The following SCUBE2 variants were observed in gnomAD, a reference collection of about 807,000 sequenced individuals.
SCUBE2 encodes the protein signal peptide, CUB domain and EGF like domain containing 2, also known as signal peptide, CUB and EGF-like domain-containing protein 2.
In SCUBE2, 114 loss-of-function variants were observed where a neutral mutation model predicts 125.9. That is an observed-to-expected ratio of 0.91 (90% CI 0.78 to 1.06). The LOEUF (loss-of-function observed/expected upper bound fraction) is 1.06, where lower values mean the gene tolerates loss of function less well. Among genes scored for constraint, SCUBE2 ranks in the 50% least tolerant of loss-of-function variants. SCUBE2 has a pLI of 0.00. For synonymous variants in SCUBE2, 459 were observed against 492.9 expected (o/e 0.93, Z 0.91); for missense variants, 1,255 against 1,301.8 (o/e 0.96, Z 0.55).
chr11:9,053,362 AC>A, intron 11 of SCUBE2, 147 bp from the exon 12 acceptor site: 1 of 767,938 alleles, frequency 1.3e-6, no homozygotes, highest in Non-Finnish European at 2.1e-6. Flanking sequence ...CCTTATTCCC[AC>A]CAAGGGAAAG....
intron 8 of SCUBE2, 131 bp downstream of exon 8, chr11:9,060,277 G>A (rs1859538752): frequency 4.4e-6 from 3 of 680,494 alleles, no homozygotes; most frequent in Non-Finnish European, 7.7e-6. Flanking sequence ...AGCTCCCATT[G>A]ATATGAATCA....
At position 9,091,488 on chromosome 11, in the gene SCUBE2, G is replaced by T; in HGVS notation, c.41C>A (p.Ala14Glu). ...AGRNRPGAAW[A>E]VLLLLLLLPP... is the part of the protein sequence containing the mutation. ...CAGCAGCAGCAGCAGCAGCAGCACC[G>T]CCCAGGCCGCCCCGGGACGGTTGCG... Residue 14 changes from alanine (A) to glutamate (E), a missense_variant, in exon 1 of 23, where the codon GCG becomes GAG. Physicochemically the swap from Ala to Glu is moderately radical, Grantham distance 107 (BLOSUM62 -1). Around this residue, in one of 3 missense-constraint regions of SCUBE2, gnomAD observed 362 missense variants for 323.0 expected, o/e 1.12. Transcript: ENST00000649792. This position sits in a 1 kb window ranked among gnomAD's most constrained non-coding sequence, Gnocchi z 8.5. 1 of 1,147,180 alleles carries T rather than the reference G, an allele frequency of 8.7e-7. No individual in the cohort carries two copies. Among genetic ancestry groups the T allele is most frequent in the Non-Finnish European group, 1.1e-6 (1 of 891,480 alleles). 71.1% of individuals were successfully genotyped at this position (1,147,180 alleles called of 1,614,324 possible).
chr11:9,060,063 A>G (rs1859507007), intron 8 of SCUBE2, among the ~76,000 whole-genome samples: 2 of 152,190 alleles, frequency 1.3e-5, no homozygotes. Flanking sequence ...TTATATAATA[A>G]TCTCTAGGCT....
intron 9 of SCUBE2, among the ~76,000 whole-genome samples, chr11:9,058,951 T>C (rs191913363): frequency 2.0e-5 from 3 of 152,296 alleles, no homozygotes; most frequent in African/African-American, 4.8e-5. Context: ...TTCAATAACA[T>C]TAAAGGAAAT....
chr11:9,058,432 C>A (rs1343492114), intron 9 of SCUBE2, among the ~76,000 whole-genome samples: 3 of 151,784 alleles, frequency 2.0e-5, no homozygotes, highest in Admixed American at 1.3e-4. Flanking sequence ...CCCGTCTCTA[C>A]TAAAAATGCA....
intron 3 of SCUBE2, among the ~76,000 whole-genome samples, chr11:9,077,151 C>A (rs1245872730): frequency 6.6e-6 from 1 of 152,208 alleles, no homozygotes; most frequent in Non-Finnish European, 1.5e-5. Context: ...AGCTGGTGAG[C>A]TTCTCCAGAC....
intron 2 of SCUBE2, among the ~76,000 whole-genome samples, chr11:9,088,801 A>T (rs1470713814): frequency 1.3e-5 from 2 of 152,212 alleles, no homozygotes; most frequent in African/African-American, 4.8e-5. Context: ...TTTCTCACTC[A>T]TCCAAAGAAG....
intron 17 of SCUBE2, 21 bp downstream of exon 17, chr11:9,033,605 A>G: frequency 1.2e-6 from 2 of 1,608,194 alleles, no homozygotes; most frequent in Non-Finnish European, 1.7e-6. Flanking sequence ...AGGAGTAGGA[A>G]GGAACAGACA....
At chr11:9,032,467 C>T (rs1210358577) in intron 17 of SCUBE2, among the ~76,000 whole-genome samples, 1 of 152,136 alleles carries the variant, frequency 6.6e-6, no homozygotes, top group Non-Finnish European at 1.5e-5. Context: ...GGTGCAGTGG[C>T]TCACGCCTGT....
chr11:9,050,554 G>T (rs983857468), intron 14 of SCUBE2, 52 bp downstream of exon 14: 10 of 1,423,202 alleles, frequency 7.0e-6, no homozygotes, highest in African/African-American at 2.8e-5. Context: ...CTGGCTGCAG[G>T]CCCCTTCCCA....
intron 16 of SCUBE2, 72 bp downstream of exon 16, chr11:9,047,284 T>TG: frequency 6.6e-7 from 1 of 1,510,136 alleles, no homozygotes; most frequent in South Asian, 1.1e-5. Flanking sequence ...GGGCCAGACT[T>TG]GCCTTCGGTT....
At chr11:9,022,539 T>G (rs1855395709) in intron 21 of SCUBE2, 1 of 153,268 alleles carries the variant, frequency 6.5e-6, no homozygotes, top group Admixed American at 6.5e-5. Flanking sequence ...CCAAAACTGC[T>G]TGGTGAGACC....
chr11:9,048,824 C>G (rs1402789678), intron 14 of SCUBE2, among the ~76,000 whole-genome samples: 1 of 152,144 alleles, frequency 6.6e-6, no homozygotes, highest in Non-Finnish European at 1.5e-5. Context: ...ATGAATTTGT[C>G]TCTATTTCAA....
At chr11:9,060,068 T>C (rs1476582194) in intron 8 of SCUBE2, among the ~76,000 whole-genome samples, 1 of 152,242 alleles carries the variant, frequency 6.6e-6, no homozygotes, top group Admixed American at 6.5e-5. Flanking sequence ...TAATAATCTC[T>C]AGGCTATTAT....
chr11:9,073,539 G>A (rs1466480501), intron 4 of SCUBE2, among the ~76,000 whole-genome samples: 1 of 152,084 alleles, frequency 6.6e-6, no homozygotes, highest in African/African-American at 2.4e-5. Flanking sequence ...CCAAGACCAG[G>A]ATTAAAACAA....
chr11:9,084,871 G>A (rs1392810378), intron 2 of SCUBE2, among the ~76,000 whole-genome samples: 4 of 152,148 alleles, frequency 2.6e-5, no homozygotes, highest in Non-Finnish European at 5.9e-5. Flanking sequence ...CTGAGTAGCA[G>A]GGACTACAGG....
intron 10 of SCUBE2, among the ~76,000 whole-genome samples, chr11:9,054,169 G>T (rs1858753185): frequency 6.6e-6 from 1 of 151,840 alleles, no homozygotes; most frequent in Admixed American, 6.6e-5. Flanking sequence ...GCTAATTTTT[G>T]CATTTTTAGT....
intron 17 of SCUBE2, among the ~76,000 whole-genome samples, chr11:9,032,127 AT>A (rs1039137673): frequency 1.5e-3 from 215 of 145,330 alleles, no homozygotes; most frequent in Middle Eastern, 3.6e-3. Flanking sequence ...TATTGCTGTC[AT>A]TTTTTTTTTT....
chr11:9,034,626 C>T (rs1033581968), intron 16 of SCUBE2, among the ~76,000 whole-genome samples: 10 of 151,976 alleles, frequency 6.6e-5, no homozygotes, highest in African/African-American at 1.9e-4. Flanking sequence ...CTCTGGTGGC[C>T]GGCTGGGATG....
Sources: gnomAD v4.1 joint callset for allele counts (sites outside exome capture counted in the v4.1 genomes callset) on GRCh38, gnomAD v4.1.1 for gene constraint, gnomAD v4.1.1 regional missense constraint, Gnocchi (gnomAD v3.1) non-coding constraint, MANE v1.5 for transcripts, NCBI Gene and HGNC (gene_info 2026-07-23, HGNC 2026-07-21) for gene names.